Variants in ENTREP2 observed in about 807,000 individuals in gnomAD.
ENTREP2 encodes endosomal transmembrane epsin interactor 2, also known as protein ENTREP2.
chr15:29,600,021 C>T, the ENTREP2 span, among the ~76,000 whole-genome samples: 117,235 of 152,034 alleles, frequency 0.77, 45,395 homozygotes, highest in South Asian at 0.85. Flanking sequence ...AGATAACTTA[C>T]GGAAGGCTTC....
chr15:29,195,374 C>A, the ENTREP2 span: 1 of 969,650 alleles, frequency 1.0e-6, no homozygotes, highest in African/African-American at 1.8e-5. Flanking sequence ...CGCTTTCCTC[C>A]TCTCCCCAGA....
the ENTREP2 span, among the ~76,000 whole-genome samples, chr15:29,167,507 G>T: frequency 6.5e-4 from 99 of 152,178 alleles, no homozygotes; most frequent in African/African-American, 2.3e-3. Flanking sequence ...AGAGTGGGCT[G>T]ACATGAACAG....
chr15:29,212,203 G>A, the ENTREP2 span, among the ~76,000 whole-genome samples: 1 of 152,142 alleles, frequency 6.6e-6, no homozygotes, highest in Non-Finnish European at 1.5e-5. Flanking sequence ...CCTTACGCTA[G>A]GAGGGTTGTA....
chr15:29,178,203 A>G, the ENTREP2 span, among the ~76,000 whole-genome samples: 7 of 149,428 alleles, frequency 4.7e-5, no homozygotes, highest in African/African-American at 1.7e-4. Flanking sequence ...CTGAGGCAGG[A>G]GGATGGCTGG....
chr15:29,365,654 A>G, the ENTREP2 span, among the ~76,000 whole-genome samples: 1 of 152,018 alleles, frequency 6.6e-6, no homozygotes, highest in Non-Finnish European at 1.5e-5. Flanking sequence ...TATAGTTTCC[A>G]AAAATTATAA....
At chr15:29,314,846 G>GT in the ENTREP2 span, among the ~76,000 whole-genome samples, 3 of 152,120 alleles carry the variant, frequency 2.0e-5, no homozygotes, top group Admixed American at 2.0e-4. Flanking sequence ...GAGCTCAGGA[G>GT]TTTGAGACGA....
chr15:29,532,341 A>C, the ENTREP2 span, among the ~76,000 whole-genome samples: 2 of 152,250 alleles, frequency 1.3e-5, no homozygotes, highest in East Asian at 3.8e-4. Context: ...ATGTAGTTAT[A>C]CAAAGAGACA....
the ENTREP2 span, among the ~76,000 whole-genome samples, chr15:29,536,821 G>A: frequency 1.3e-5 from 2 of 152,058 alleles, no homozygotes; most frequent in Admixed American, 6.6e-5. Context: ...AGAGCCCCAG[G>A]TGAAGACGGA....
At chr15:29,495,771 T>A in the ENTREP2 span, among the ~76,000 whole-genome samples, 1 of 152,186 alleles carries the variant, frequency 6.6e-6, no homozygotes, top group Non-Finnish European at 1.5e-5. Flanking sequence ...GGTCTATGTG[T>A]CTGTTTTTAT....
chr15:29,280,731 C>G, the ENTREP2 span, among the ~76,000 whole-genome samples: 3 of 152,188 alleles, frequency 2.0e-5, no homozygotes, highest in Non-Finnish European at 4.4e-5. Context: ...TTCCAGCAGC[C>G]GGGGAACCGC....
chr15:29,129,514 G>A, the ENTREP2 span, among the ~76,000 whole-genome samples: 1 of 152,092 alleles, frequency 6.6e-6, no homozygotes, highest in Admixed American at 6.5e-5. Context: ...ACAAGGTCTC[G>A]CTCCATGGCC....
chr15:29,301,734 A>C, the ENTREP2 span, among the ~76,000 whole-genome samples: 1 of 152,276 alleles, frequency 6.6e-6, no homozygotes, highest in African/African-American at 2.4e-5. Context: ...GATAGTATTA[A>C]GAGGTGAGGT....
the ENTREP2 span, among the ~76,000 whole-genome samples, chr15:29,539,127 G>A: frequency 1.3e-5 from 2 of 152,112 alleles, no homozygotes; most frequent in Non-Finnish European, 2.9e-5. Flanking sequence ...GGGTGGAAAC[G>A]CTGCACCCGA....
At chr15:29,551,610 A>T in the ENTREP2 span, among the ~76,000 whole-genome samples, 1 of 152,100 alleles carries the variant, frequency 6.6e-6, no homozygotes, top group Non-Finnish European at 1.5e-5. Context: ...TAAAAACTAA[A>T]TGGTTCTTTT....
chr15:29,292,376 T>C, the ENTREP2 span, among the ~76,000 whole-genome samples: 2 of 151,886 alleles, frequency 1.3e-5, no homozygotes, highest in Non-Finnish European at 2.9e-5. Context: ...TCTTTCTTTC[T>C]TTCCTTCTTT....
chr15:29,403,422 T>A, the ENTREP2 span, among the ~76,000 whole-genome samples: 1 of 152,174 alleles, frequency 6.6e-6, no homozygotes, highest in Non-Finnish European at 1.5e-5. Flanking sequence ...AGAAATCTCC[T>A]CATGGCACAA....
chr15:29,367,811 T>A, the ENTREP2 span, among the ~76,000 whole-genome samples: 4 of 152,044 alleles, frequency 2.6e-5, no homozygotes, highest in Non-Finnish European at 5.9e-5. Flanking sequence ...GGTAGACAAT[T>A]CAGTAGCCAC....
At chr15:29,520,246 T>C in the ENTREP2 span, among the ~76,000 whole-genome samples, 53,803 of 152,090 alleles carry the variant, frequency 0.35, 9,605 homozygotes, top group East Asian at 0.42. Flanking sequence ...AATTGAAGAA[T>C]AGTTCTAGCT....
chr15:29,313,364 C>T, the ENTREP2 span, among the ~76,000 whole-genome samples: 1 of 152,160 alleles, frequency 6.6e-6, no homozygotes, highest in Non-Finnish European at 1.5e-5. Context: ...GGAAAGATGA[C>T]GCCTGGCTTC....
Sources: allele counts gnomAD v4.1 joint callset (sites outside exome capture counted in the v4.1 genomes callset), GRCh38; gene constraint gnomAD v4.1.1; transcripts MANE v1.5; gene names NCBI Gene and HGNC (gene_info 2026-07-23, HGNC 2026-07-21).